The following BRD7 variants were observed in gnomAD, a reference collection of about 807,000 sequenced individuals.
BRD7 encodes bromodomain-containing protein 7.
Under a neutral mutation model 82.1 loss-of-function variants are expected in BRD7, and 15 were observed. The observed-to-expected ratio is 0.18, with a 90% CI of 0.12 to 0.28. BRD7 has a LOEUF of 0.28. Ranked by LOEUF, BRD7 falls within the 10% of genes least tolerant of loss-of-function variation. The pLI is 1.00. For synonymous variants in BRD7, 232 were observed against 266.9 expected, an observed-to-expected ratio of 0.87 and a Z score of 1.27; for missense variants, 638 against 779.9, an observed-to-expected ratio of 0.82 and a Z score of 2.17.
rs1020441984 is a variant in BRD7 at position 50,316,820 on chromosome 16, C to G, written c.*2391G>C. On this transcript the variant is annotated 3_prime_UTR_variant, in exon 17 of 17. Transcript: ENST00000394688. Reference sequence around the variant, plus strand: ...GGACTTCATAACCGGAAGACTTAACCGGTGGCCTCATCACCAGAGCATCGC... The same window carrying G: ...GGACTTCATAACCGGAAGACTTAACGGGTGGCCTCATCACCAGAGCATCGC... The G allele has an allele frequency of 9.2e-5, 14 of 152,350 alleles. No homozygotes were observed. Among genetic ancestry groups the G allele is most frequent in the African/African-American group, 3.1e-4 (13 of 41,458 alleles). 9.4% of individuals were successfully genotyped at this position (152,350 alleles called of 1,614,324 possible). A position where few individuals can be genotyped will look rare whatever the true frequency, so the allele number is the denominator to read the frequency against.
At chr16:50,322,126 A>T (rs2037147280) in intron 12 of BRD7, 88 bp from the exon 13 acceptor site, 1 of 1,074,200 alleles carries the variant, frequency 9.3e-7, no homozygotes, top group Non-Finnish European at 1.4e-6. Flanking sequence ...GTTTCTTGGC[A>T]AGAGAAAATG....
intron 5 of BRD7, chr16:50,349,358 C>A (rs969524383): frequency 2.1e-5 from 7 of 328,438 alleles, no homozygotes; most frequent in South Asian, 5.0e-5. Flanking sequence ...AACCAACCTG[C>A]ACGTTGTGCA....
intron 13 of BRD7, among the ~76,000 whole-genome samples, chr16:50,321,308 C>G (rs1341787508): frequency 6.6e-6 from 1 of 152,104 alleles, no homozygotes; most frequent in Admixed American, 6.5e-5. Context: ...TGCCTGTAAT[C>G]CCAGGACTTC....
chr16:50,333,309 A>C (rs2037650631), intron 8 of BRD7, among the ~76,000 whole-genome samples: 2 of 152,254 alleles, frequency 1.3e-5, no homozygotes, highest in African/African-American at 4.8e-5. Context: ...AAATGAACAC[A>C]GATGGTCCTC....
At chr16:50,354,332 A>G in intron 4 of BRD7, 93 bp downstream of exon 4, 4 of 1,043,308 alleles carry the variant, frequency 3.8e-6, no homozygotes, top group Non-Finnish European at 5.7e-6. Flanking sequence ...CTTTAAAATC[A>G]CGTATGTTTG....
intron 9 of BRD7, among the ~76,000 whole-genome samples, chr16:50,328,319 A>G (rs960724614): frequency 6.6e-6 from 1 of 152,206 alleles, no homozygotes; most frequent in Non-Finnish European, 1.5e-5. Context: ...TAAATTTATA[A>G]TATCATATTC....
At chr16:50,360,067 C>T (rs2038882502) in intron 2 of BRD7, among the ~76,000 whole-genome samples, 1 of 152,160 alleles carries the variant, frequency 6.6e-6, no homozygotes. Flanking sequence ...CAAATCTTTG[C>T]TCAGATTATT....
chr16:50,322,076 C>T (rs1291901989), intron 12 of BRD7, 38 bp from the exon 13 acceptor site: 7 of 1,514,408 alleles, frequency 4.6e-6, no homozygotes, highest in South Asian at 2.4e-5. Flanking sequence ...TAGGAAAACA[C>T]ATGAAGGCGA....
intron 5 of BRD7, among the ~76,000 whole-genome samples, chr16:50,346,439 T>C (rs1240338213): frequency 2.6e-5 from 4 of 151,794 alleles, no homozygotes; most frequent in Non-Finnish European, 4.4e-5. Flanking sequence ...CTGAAGGAGA[T>C]AGAGATACAA....
chr16:50,321,668 G>C (rs114615632), intron 13 of BRD7, among the ~76,000 whole-genome samples: 2,050 of 147,448 alleles, frequency 0.014, 57 homozygotes, highest in African/African-American at 0.049. Flanking sequence ...TTTAGGAATA[G>C]ATCAACCCAG....
intron 2 of BRD7, among the ~76,000 whole-genome samples, chr16:50,367,492 G>A (rs1250033960): frequency 1.5e-4 from 23 of 152,152 alleles, no homozygotes; most frequent in South Asian, 4.2e-4. Context: ...CCAAAGTGTT[G>A]GGATTACAAG....
At chr16:50,329,875 T>C (rs1046648898) in intron 8 of BRD7, among the ~76,000 whole-genome samples, 3 of 152,178 alleles carry the variant, frequency 2.0e-5, no homozygotes, top group Non-Finnish European at 4.4e-5. Context: ...GCTATACATA[T>C]ACACACATAT....
chr16:50,352,908 G>T (rs1326501926), intron 4 of BRD7, among the ~76,000 whole-genome samples: 1 of 151,912 alleles, frequency 6.6e-6, no homozygotes, highest in East Asian at 1.9e-4. Flanking sequence ...AAACTCTAAG[G>T]CAGCCATGAC....
intron 5 of BRD7, among the ~76,000 whole-genome samples, chr16:50,341,967 C>CACACAT (rs571195473): frequency 6.7e-6 from 1 of 149,088 alleles, no homozygotes. Context: ...CACACACACA[C>CACACAT]ATTTTACTTC....
At chr16:50,339,267 T>C (rs1167510324) in intron 6 of BRD7, among the ~76,000 whole-genome samples, 1 of 152,242 alleles carries the variant, frequency 6.6e-6, no homozygotes, top group Admixed American at 6.5e-5. Context: ...TGTAGCTTAA[T>C]GAAGGGACGC....
chr16:50,318,505 G>A lies in BRD7; in HGVS notation c.*706C>T, dbSNP rs2151124528. The A allele has an allele frequency of 6.6e-6, 1 of 152,214 alleles. No individual in the cohort carries two copies. The highest frequency in any genetic ancestry group is 2.1e-4 in the South Asian group (1 of 4,820). The allele number at this position is 152,214 out of a possible 1,614,324, so 9.4% of individuals were successfully genotyped here. On this transcript the variant is annotated 3_prime_UTR_variant, in exon 17 of 17. Coordinates refer to ENST00000394688, the MANE Select transcript of BRD7 (RefSeq NM_013263.5). ...TTATCTCAGCTTGCTGATAAAAGGG[G>A]GCCATGAATCTTGTGGTCTCCTACT...
intron 5 of BRD7, among the ~76,000 whole-genome samples, chr16:50,344,893 T>C (rs1329457333): frequency 1.3e-5 from 2 of 152,152 alleles, no homozygotes; most frequent in African/African-American, 4.8e-5. Context: ...CAGGCCAATA[T>C]TCAAATTCAG....
chr16:50,343,663 A>G (rs1007244375), intron 5 of BRD7, among the ~76,000 whole-genome samples: 3 of 152,162 alleles, frequency 2.0e-5, no homozygotes, highest in East Asian at 1.9e-4. Flanking sequence ...TATCCCGCGC[A>G]TGGCTCAGAG....
Position 50,354,384 on chromosome 16 carries a change from T to C in BRD7, c.446+41A>G, listed in dbSNP as rs775000419. On this transcript the variant is annotated intron_variant, in intron 4 of 16. Coordinates refer to ENST00000394688, the MANE Select transcript of BRD7 (RefSeq NM_013263.5). ...TGGTTTGGATCCTACACATCTACCA[T>C]TTTAATTTCTATGTTATAAAAATAT... is the stretch of plus-strand genomic sequence containing the variant. The C allele has an allele frequency of 2.2e-5, 33 of 1,530,794 alleles. 2 individuals are homozygous for C. The South Asian group carries it at 3.7e-4, about 17-fold the overall frequency. The allele number at this position is 1,530,794 out of a possible 1,614,324, so 94.8% of individuals were successfully genotyped here.
Sources: gnomAD v4.1 joint callset for allele counts (sites outside exome capture counted in the v4.1 genomes callset) on GRCh38, gnomAD v4.1.1 for gene constraint, MANE v1.5 for transcripts, NCBI Gene and HGNC (gene_info 2026-07-23, HGNC 2026-07-21) for gene names.